HES1: variants seen among roughly 807,000 people sequenced by gnomAD.
The protein encoded by HES1 is hes family bHLH transcription factor 1, also known as transcription factor HES-1.
A neutral mutation model predicts 21.0 loss-of-function variants in HES1; 7 were observed. The observed-to-expected ratio is 0.33, with a 90% CI of 0.19 to 0.63. The LOEUF (loss-of-function observed/expected upper bound fraction) is 0.63. HES1 is among the 20% of genes least tolerant of loss of function. The pLI, the probability that HES1 is intolerant of heterozygous loss-of-function variation, is 0.78. For missense variants in HES1, 338 were observed against 389.8 expected, an observed-to-expected ratio of 0.87 and a Z score of 1.12; for synonymous variants, 169 against 171.2, an observed-to-expected ratio of 0.99 and a Z score of 0.10.
At position 194,136,688 on chromosome 3, in the gene HES1, G is replaced by A. The variant is rs1247466944; in HGVS notation, c.180G>A (p.Leu60=). 1 of 1,613,672 alleles carries A rather than the reference G, an allele frequency of 6.2e-7. No individual in the cohort carries two copies. Among genetic ancestry groups the A allele is most frequent in the Non-Finnish European group, 8.5e-7 (1 of 1,179,626 alleles). ...INESLSQLKT[L]ILDALKKDSS... ...AAAGTCTGAGCCAGCTGAAAACACT[G>A]ATTTTGGATGCTCTGAAGAAAGATG... Residue 60 remains leucine, a synonymous_variant, in exon 2 of 4, where the codon CTG becomes CTA. Transcript: ENST00000232424.
At position 194,137,933 on chromosome 3, in the gene HES1, C is replaced by T; in HGVS notation, c.543C>T (p.Phe181=). ...CCGGCGGCCCCCAGCACGCGCCGTT[C>T]GCGCCGCCGCCGCCACTCGTGCCCA... ...PGPGGPQHAP[F]APPPPLVPIP... Residue 181 remains phenylalanine (F), a synonymous_variant, in exon 4 of 4, where the codon TTC becomes TTT. Transcript: ENST00000232424. This position sits in a 1 kb window ranked among gnomAD's most constrained non-coding sequence, Gnocchi z 5.4. 5 of 1,305,642 alleles carry T rather than the reference C, an allele frequency of 3.8e-6. No individual in the cohort carries two copies. Among genetic ancestry groups the T allele is most frequent in the Non-Finnish European group, 3.9e-6 (4 of 1,027,442 alleles). The allele number at this position is 1,305,642 out of a possible 1,614,324, so 80.9% of individuals were successfully genotyped here. A position where few individuals can be genotyped will look rare whatever the true frequency, so the allele number is the denominator to read the frequency against.
In HES1 at chr3:194,137,563, C is replaced by T. The variant is rs1715375750; in HGVS notation, c.293-120C>T. ...TCTAAACCCATCTCACCCTCCCTGCCGGAGGCAGTTTCACGGGCGCATGGT... is the reference window on the plus strand; with the variant it reads ...TCTAAACCCATCTCACCCTCCCTGCTGGAGGCAGTTTCACGGGCGCATGGT... On this transcript the variant is annotated intron_variant, in intron 3 of 3. Transcript: ENST00000232424. This position sits in a 1 kb window ranked among gnomAD's most constrained non-coding sequence, Gnocchi z 5.4. 1 of 1,072,758 alleles carries T rather than the reference C, an allele frequency of 9.3e-7. No homozygotes were observed. The highest frequency in any genetic ancestry group is 1.6e-5 in the African/African-American group (1 of 62,030). The allele number at this position is 1,072,758 out of a possible 1,614,324, so 66.5% of individuals were successfully genotyped here.
At position 194,137,810 on chromosome 3, in the gene HES1, C is replaced by G. The variant is rs1409691463; in HGVS notation, c.420C>G (p.Leu140=). The G allele has an allele frequency of 1.2e-6, 2 of 1,613,400 alleles. No individual in the cohort carries two copies. Among genetic ancestry groups the G allele is most frequent in the African/African-American group, 1.3e-5 (1 of 75,058 alleles). ...GVNTEVRTRL[L]GHLANCMTQI... ...ATACCGAGGTGCGCACTCGGCTGCT[C>G]GGCCACCTGGCCAACTGCATGACCC... is the stretch of plus-strand genomic sequence containing the variant. Residue 140 remains leucine (L), a synonymous_variant, in exon 4 of 4, where the codon CTC becomes CTG. Transcript: ENST00000232424. The surrounding 1 kb of genome is among the most constrained non-coding windows in gnomAD (Gnocchi z 5.4).
Position 194,138,312 on chromosome 3 carries a change from C to T in HES1, c.*79C>T, listed in dbSNP as rs1715400114. The T allele has an allele frequency of 3.1e-5, 42 of 1,353,656 alleles. No homozygotes were observed. The highest frequency in any genetic ancestry group is 3.9e-5 in the Non-Finnish European group (40 of 1,037,756). The allele number at this position is 1,353,656 out of a possible 1,614,324, so 83.9% of individuals were successfully genotyped here. ...CGGACTCTAAACAGGAACTTGAATA[C>T]TGGGAGAGAAGAGGACTTTTTTGAT... On this transcript the variant is annotated 3_prime_UTR_variant, in exon 4 of 4. Transcript: ENST00000232424.
chr3:194,138,293 C>T lies in HES1; in HGVS notation c.*60C>T. 1 of 1,421,966 alleles carries T rather than the reference C, an allele frequency of 7.0e-7. No individual in the cohort carries two copies. Among genetic ancestry groups the T allele is most frequent in the Non-Finnish European group, 9.2e-7 (1 of 1,085,050 alleles). 88.1% of individuals were successfully genotyped at this position (1,421,966 alleles called of 1,614,324 possible). On this transcript the variant is annotated 3_prime_UTR_variant, in exon 4 of 4. Transcript: ENST00000232424. ...AACCCACCTCTCTTCCCTCCGGACTCTAAACAGGAACTTGAATACTGGGAG... is the reference window on the plus strand; with the variant it reads ...AACCCACCTCTCTTCCCTCCGGACTTTAAACAGGAACTTGAATACTGGGAG...
intron 2 of HES1, 113 bp downstream of exon 2, chr3:194,136,825 C>T (rs766966099): frequency 7.3e-7 from 1 of 1,378,192 alleles, no homozygotes; most frequent in Non-Finnish European, 1.0e-6. Flanking sequence ...ACTGCGTTCT[C>T]CCAGGCGGGA....
rs914945435 is a variant in HES1 at position 194,137,505 on chromosome 3, A to G, written c.293-178A>G. On this transcript the variant is annotated intron_variant, in intron 3 of 3. Coordinates refer to ENST00000232424, the MANE Select transcript of HES1 (RefSeq NM_005524.4). This position sits in a 1 kb window ranked among gnomAD's most constrained non-coding sequence, Gnocchi z 5.4. ...GGGAAGGAGTGGCTCGGCTTTTGGC[A>G]GCAACGCTAGTGTGGAGAGGTGGCT... 1.3e-5 allele frequency among the ~76,000 whole-genome samples: 2 copies of G among 152,170 alleles called. No individual in the cohort carries two copies. The highest frequency in any genetic ancestry group is 2.9e-5 in the Non-Finnish European group (2 of 68,018).
At position 194,137,118 on chromosome 3, in the gene HES1, C is replaced by T. The variant is rs1176990511; in HGVS notation, c.292+70C>T. The T allele has an allele frequency of 2.2e-6, 3 of 1,353,612 alleles. No homozygotes were observed. Among genetic ancestry groups the T allele is most frequent in the East Asian group, 4.6e-5 (2 of 43,620 alleles). The allele number at this position is 1,353,612 out of a possible 1,614,324, so 83.9% of individuals were successfully genotyped here. On this transcript the variant is annotated intron_variant, in intron 3 of 3. Transcript: ENST00000232424. The surrounding 1 kb of genome is among the most constrained non-coding windows in gnomAD (Gnocchi z 5.4). ...CCTCGCGGTGATTTCTTCCAGACTT[C>T]CGCCCGTGGTTGTGAGAGGCATTCA...
rs1715369976 is a variant in HES1 at position 194,137,324 on chromosome 3, C to A, written c.292+276C>A. On this transcript the variant is annotated intron_variant, in intron 3 of 3. Transcript: ENST00000232424. The surrounding 1 kb of genome is among the most constrained non-coding windows in gnomAD (Gnocchi z 5.4). ...TGTGGCGGTTTGGAACTGCGTGGAG[C>A]CTGGGGGTCACTGGTTTAGCACTCC... 1 of 583,526 alleles carries A rather than the reference C, an allele frequency of 1.7e-6. No homozygotes were observed. The allele number at this position is 583,526 out of a possible 1,614,324, so 36.1% of individuals were successfully genotyped here. A position where few individuals can be genotyped will look rare whatever the true frequency, so the allele number is the denominator to read the frequency against.
chr3:194,138,670 A>C lies in HES1; in HGVS notation c.*437A>C, dbSNP rs970749985. ...AAAGGCTTTTGGTGGAATTTGAATTACATGTAATTGGTAATTCAGGAATTG... is the reference window on the plus strand; with the variant it reads ...AAAGGCTTTTGGTGGAATTTGAATTCCATGTAATTGGTAATTCAGGAATTG... On this transcript the variant is annotated 3_prime_UTR_variant, in exon 4 of 4. Transcript: ENST00000232424. 1.3e-5 allele frequency: 2 copies of C among 154,066 alleles called. No homozygotes were observed. The highest frequency in any genetic ancestry group is 1.3e-4 in the Admixed American group (2 of 15,340). 9.5% of individuals were successfully genotyped at this position (154,066 alleles called of 1,614,324 possible).
chr3:194,136,517 G>A (rs1560222882), intron 1 of HES1, 29 bp downstream of exon 1: 1 of 1,571,464 alleles, frequency 6.4e-7, no homozygotes. Context: ...TCTCTTTGCA[G>A]CCCCTCAAAA....
chr3:194,136,158 C>G lies in HES1; in HGVS notation c.-223C>G. On this transcript the variant is annotated 5_prime_UTR_variant, in exon 1 of 4. Transcript: ENST00000232424. ...CAGGGCCTAGGGATCACACAGGATC[C>G]GGAGCTGGTGCTGATAACAGCGGAA... 1 of 486,776 alleles carries G rather than the reference C, an allele frequency of 2.1e-6. No homozygotes were observed. Among genetic ancestry groups the G allele is most frequent in the South Asian group, 2.8e-5 (1 of 35,192 alleles). 30.2% of individuals were successfully genotyped at this position (486,776 alleles called of 1,614,324 possible). A position where few individuals can be genotyped will look rare whatever the true frequency, so the allele number is the denominator to read the frequency against.
chr3:194,137,884 C>G lies in HES1; in HGVS notation c.494C>G (p.Ala165Gly), dbSNP rs1174299164. Residue 165 changes from alanine to glycine, a missense_variant, in exon 4 of 4, where the codon GCG becomes GGG. Coordinates refer to ENST00000232424, the MANE Select transcript of HES1 (RefSeq NM_005524.4). This position sits in a 1 kb window ranked among gnomAD's most constrained non-coding sequence, Gnocchi z 5.4. ...YPGQPHPALQAPPPPPPGPGG... is the reference protein window; with the variant it reads ...YPGQPHPALQGPPPPPPGPGG... ...GGGCAGCCGCACCCCGCCTTGCAGG[C>G]GCCGCCACCGCCCCCACCGGGACCC... is the stretch of plus-strand genomic sequence containing the variant. 1 of 1,493,562 alleles carries G rather than the reference C, an allele frequency of 6.7e-7. No homozygotes were observed. Among genetic ancestry groups the G allele is most frequent in the Non-Finnish European group, 9.0e-7 (1 of 1,115,002 alleles). 92.5% of individuals were successfully genotyped at this position (1,493,562 alleles called of 1,614,324 possible).
At position 194,137,857 on chromosome 3, in the gene HES1, C is replaced by T. The variant is rs767844444; in HGVS notation, c.467C>T (p.Pro156Leu). The change falls in exon 4 of 4, where the codon CCC becomes CTC. Residue 156 changes from proline (P) to leucine (L), a missense_variant. Pro to Leu is a moderately conservative substitution (Grantham distance 98). Transcript: ENST00000232424. This position sits in a 1 kb window ranked among gnomAD's most constrained non-coding sequence, Gnocchi z 5.4. ...ACCCAGATCAATGCCATGACCTACC[C>T]CGGGCAGCCGCACCCCGCCTTGCAG... ...CMTQINAMTY[P>L]GQPHPALQAP... The T allele has an allele frequency of 5.7e-5, 88 of 1,536,440 alleles. No homozygotes were observed. The highest frequency in any genetic ancestry group is 6.8e-5 in the Non-Finnish European group (78 of 1,139,554).
intron 2 of HES1, 39 bp downstream of exon 2, chr3:194,136,751 A>G: frequency 1.3e-6 from 2 of 1,557,022 alleles, no homozygotes; most frequent in Non-Finnish European, 1.8e-6. Flanking sequence ...TAATTAAAAA[A>G]CAAACACTTT....
rs1283822576 is a variant in HES1 at position 194,138,145 on chromosome 3, G to GCGGCAC, written c.757_762dup (p.Gly253_Thr254dup). The GCGGCAC allele has an allele frequency of 6.2e-7, 1 of 1,612,700 alleles. No homozygotes were observed. The highest frequency in any genetic ancestry group is 2.2e-5 in the East Asian group (1 of 44,828). On this transcript the variant is annotated inframe_insertion, in exon 4 of 4. Coordinates refer to ENST00000232424, the MANE Select transcript of HES1 (RefSeq NM_005524.4). ...GTCATCCCCGTCTACACCAGCAACA[G>GCGGCAC]CGGCACCTCCGTGGGCCCCAACGCA...
In HES1 at chr3:194,137,014, G is replaced by A. The variant is rs1354354138; in HGVS notation, c.258G>A (p.Lys86=). The stretch of plus-strand genomic sequence containing the variant: ...CGGACATTCTGGAAATGACAGTGAA[G>A]CACCTCCGGAACCTGCAGCGGGCGC... ...EKADILEMTV[K]HLRNLQRAQM... Residue 86 remains lysine, a synonymous_variant, in exon 3 of 4, where the codon AAG becomes AAA. Transcript: ENST00000232424. This position sits in a 1 kb window ranked among gnomAD's most constrained non-coding sequence, Gnocchi z 5.4. The A allele has an allele frequency of 9.9e-6, 16 of 1,614,228 alleles. No homozygotes were observed. The highest frequency in any genetic ancestry group is 1.4e-5 in the Non-Finnish European group (16 of 1,180,034).
chr3:194,138,093 A>G lies in HES1; in HGVS notation c.703A>G (p.Asn235Asp). The change falls in exon 4 of 4, where the codon AAC becomes GAC. Residue 235 changes from asparagine to aspartate, a missense_variant. Physicochemically the swap from Asn to Asp is conservative, Grantham distance 23. Transcript: ENST00000232424. ...PDGQFAFLIPNGAFAHSGPVI... is the reference protein window; with the variant it reads ...PDGQFAFLIPDGAFAHSGPVI... ...TGGCCAGTTTGCTTTCCTCATTCCCAACGGGGCCTTCGCGCACAGCGGCCC... is the reference window on the plus strand; with the variant it reads ...TGGCCAGTTTGCTTTCCTCATTCCCGACGGGGCCTTCGCGCACAGCGGCCC... 1 of 1,612,244 alleles carries G rather than the reference A, an allele frequency of 6.2e-7. No individual in the cohort carries two copies. Among genetic ancestry groups the G allele is most frequent in the South Asian group, 1.1e-5 (1 of 90,770 alleles).
chr3:194,136,151 C>T lies in HES1; in HGVS notation c.-230C>T, dbSNP rs1715329419. On this transcript the variant is annotated 5_prime_UTR_variant, in exon 1 of 4. Transcript: ENST00000232424. ...AGGCCGCCAGGGCCTAGGGATCACA[C>T]AGGATCCGGAGCTGGTGCTGATAAC... 1.5e-5 allele frequency: 7 copies of T among 468,196 alleles called. No homozygotes were observed. Among genetic ancestry groups the T allele is most frequent in the Admixed American group, 1.1e-4 (3 of 27,508 alleles). 29.0% of individuals were successfully genotyped at this position (468,196 alleles called of 1,614,324 possible).
Sources: gnomAD v4.1 joint callset for allele counts (sites outside exome capture counted in the v4.1 genomes callset) on GRCh38, gnomAD v4.1.1 for gene constraint, Gnocchi (gnomAD v3.1) non-coding constraint, MANE v1.5 for transcripts, NCBI Gene and HGNC (gene_info 2026-07-23, HGNC 2026-07-21) for gene names.